CNTN3: variants seen among roughly 807,000 people sequenced by gnomAD.
CNTN3 encodes the protein contactin-3.
In CNTN3, 60 loss-of-function variants were observed where a neutral mutation model predicts 119.1. The ratio of observed to expected loss-of-function variants is 0.50; its 90% confidence interval spans 0.41 to 0.62. CNTN3 has a LOEUF of 0.62. Ranked by LOEUF, CNTN3 falls within the 20% of genes least tolerant of loss-of-function variation. CNTN3 has a pLI of 0.00. For synonymous variants in CNTN3, 450 were observed against 438.7 expected (o/e 1.03, Z -0.32); for missense variants, 1,101 against 1,242.4 (o/e 0.89, Z 1.71).
chr3:74,382,169 T>C (rs979821890), intron 5 of CNTN3, among the ~76,000 whole-genome samples: 18 of 152,072 alleles, frequency 1.2e-4, no homozygotes, highest in Admixed American at 3.3e-4. Flanking sequence ...GATCGCACCT[T>C]TGAACTCCAG....
chr3:74,499,207 T>C (rs985106763), intron 3 of CNTN3, among the ~76,000 whole-genome samples: 8 of 151,908 alleles, frequency 5.3e-5, no homozygotes, highest in Admixed American at 2.0e-4. Context: ...ATCATTAAAA[T>C]GACTTTGGTA....
intron 4 of CNTN3, among the ~76,000 whole-genome samples, chr3:74,448,150 G>A (rs916497348): frequency 1.3e-5 from 2 of 152,154 alleles, no homozygotes; most frequent in Non-Finnish European, 2.9e-5. Context: ...CCATGGGTAG[G>A]GGAGCCCAGT....
At chr3:74,538,949 G>A (rs1052726229) in intron 1 of CNTN3, among the ~76,000 whole-genome samples, 1 of 151,824 alleles carries the variant, frequency 6.6e-6, no homozygotes, top group Admixed American at 6.6e-5. Flanking sequence ...CAGTACCATG[G>A]TCTTTCAAAA....
At chr3:74,485,652 A>T (rs1702842226) in intron 4 of CNTN3, among the ~76,000 whole-genome samples, 1 of 152,142 alleles carries the variant, frequency 6.6e-6, no homozygotes, top group Non-Finnish European at 1.5e-5. Flanking sequence ...TGAGGTGTGA[A>T]TAACTACAAG....
intron 2 of CNTN3, among the ~76,000 whole-genome samples, chr3:74,507,626 CT>C (rs59540461): frequency 0.35 from 35,462 of 102,648 alleles, 5,550 homozygotes; most frequent in African/African-American, 0.44. Flanking sequence ...TTCTTTCTTT[CT>C]TTTTTTTTTT....
chr3:74,282,945 A>T (rs1702043468), intron 20 of CNTN3, among the ~76,000 whole-genome samples: 1 of 152,186 alleles, frequency 6.6e-6, no homozygotes, highest in Non-Finnish European at 1.5e-5. Context: ...CTACAGATCA[A>T]CCTAAAGACT....
At chr3:74,268,698 T>C (rs557559498) in intron 20 of CNTN3, among the ~76,000 whole-genome samples, 1 of 152,250 alleles carries the variant, frequency 6.6e-6, no homozygotes, top group Admixed American at 6.5e-5. Flanking sequence ...AGCAGCTGCT[T>C]AGGGTTGAAA....
In CNTN3 at chr3:74,486,651, G is replaced by T. The variant is rs558225850; in HGVS notation, c.183-20C>A. On this transcript the variant is annotated intron_variant, in intron 3 of 22. Transcript: ENST00000263665. ...TGCCATCTGTAAAACAAATATCAAG[G>T]TTCCCCCCCCTTAGTATTTTTAACT... The T allele has an allele frequency of 4.0e-6, 6 of 1,501,300 alleles. No homozygotes were observed. The highest frequency in any genetic ancestry group is 5.1e-5 in the Admixed American group (2 of 38,930). 93.0% of individuals were successfully genotyped at this position (1,501,300 alleles called of 1,614,324 possible). A position where few individuals can be genotyped will look rare whatever the true frequency, so the allele number is the denominator to read the frequency against.
chr3:74,606,111 G>T (rs1171448256), intron 1 of CNTN3, among the ~76,000 whole-genome samples: 3 of 151,868 alleles, frequency 2.0e-5, no homozygotes, highest in African/African-American at 7.3e-5. Flanking sequence ...AGCCACTATG[G>T]GTCAATACAG....
chr3:74,398,792 A>C (rs1239644808), intron 5 of CNTN3, among the ~76,000 whole-genome samples: 4 of 152,218 alleles, frequency 2.6e-5, no homozygotes, highest in African/African-American at 9.6e-5. Flanking sequence ...TAGATTGTTT[A>C]ACCTGTGGTT....
intron 4 of CNTN3, among the ~76,000 whole-genome samples, chr3:74,434,835 C>T (rs1701839933): frequency 6.6e-6 from 1 of 152,284 alleles, no homozygotes; most frequent in East Asian, 1.9e-4. Flanking sequence ...GTCTCAAGAT[C>T]CTACCACTGT....
intron 19 of CNTN3, among the ~76,000 whole-genome samples, chr3:74,292,131 C>A (rs956448827): frequency 2.0e-5 from 3 of 152,136 alleles, no homozygotes; most frequent in Admixed American, 6.5e-5. Flanking sequence ...CTTTTGATAG[C>A]TTTTGGCATA....
intron 1 of CNTN3, among the ~76,000 whole-genome samples, chr3:74,532,477 T>C (rs1002364403): frequency 2.0e-4 from 31 of 151,928 alleles, no homozygotes; most frequent in Admixed American, 1.7e-3. Flanking sequence ...TGAACAACAA[T>C]AATCAAATAG....
At chr3:74,366,780 G>GTGTGTGTATATATA (rs1447686332) in intron 8 of CNTN3, among the ~76,000 whole-genome samples, 5 of 63,712 alleles carry the variant, frequency 7.8e-5, no homozygotes, top group African/African-American at 3.4e-4. Flanking sequence ...GTGTGTGTGT[G>GTGTGTGTATATATA]TATATATATA....
intron 1 of CNTN3, among the ~76,000 whole-genome samples, chr3:74,546,493 C>A (rs1703917537): frequency 6.6e-6 from 1 of 152,200 alleles, no homozygotes; most frequent in Non-Finnish European, 1.5e-5. Context: ...GCTGCCAGCA[C>A]AGCTAGAATA....
At chr3:74,509,313 CTTTT>C (rs11318453) in intron 2 of CNTN3, among the ~76,000 whole-genome samples, 7 of 117,134 alleles carry the variant, frequency 6.0e-5, no homozygotes, top group Admixed American at 8.6e-5. Flanking sequence ...CCTTTCCTTT[CTTTT>C]TTTTTTTTTT....
rs981151174 is a variant in CNTN3 at position 74,488,002 on chromosome 3, A to C, written c.183-1371T>G. Reference sequence around the variant, plus strand: ...TATAATCATTATACATAATTATTTTATATATTTATATATAATTATACTGTA... The same window carrying C: ...TATAATCATTATACATAATTATTTTCTATATTTATATATAATTATACTGTA... On this transcript the variant is annotated intron_variant, in intron 3 of 22. Coordinates refer to ENST00000263665, the MANE Select transcript of CNTN3 (RefSeq NM_020872.3). 1.1e-3 allele frequency among the ~76,000 whole-genome samples: 166 copies of C among 148,558 alleles called. 1 individual carries two copies. The highest frequency in any genetic ancestry group is 3.8e-3 in the African/African-American group (157 of 40,890).
At chr3:74,485,408 C>A (rs1451345858) in intron 4 of CNTN3, among the ~76,000 whole-genome samples, 2 of 151,704 alleles carry the variant, frequency 1.3e-5, no homozygotes, top group African/African-American at 4.8e-5. Context: ...AAATATTTTG[C>A]CTACAGAAAG....
chr3:74,447,281 A>G (rs1157096223), intron 4 of CNTN3, among the ~76,000 whole-genome samples: 1 of 152,160 alleles, frequency 6.6e-6, no homozygotes, highest in African/African-American at 2.4e-5. Flanking sequence ...CTACTGAACA[A>G]CATATGGTGA....
Sources: allele counts gnomAD v4.1 joint callset (sites outside exome capture counted in the v4.1 genomes callset), GRCh38; gene constraint gnomAD v4.1.1; transcripts MANE v1.5; gene names NCBI Gene and HGNC (gene_info 2026-07-23, HGNC 2026-07-21).